PLPPR5: variants seen among roughly 807,000 people sequenced by gnomAD.
The protein encoded by PLPPR5 is phospholipid phosphatase related 5, also known as phospholipid phosphatase-related protein type 5.
A neutral mutation model predicts 33.9 loss-of-function variants in PLPPR5; 16 were observed. The observed-to-expected ratio is 0.47, with a 90% CI of 0.32 to 0.72. PLPPR5 has a LOEUF of 0.72. Among genes scored for constraint, PLPPR5 ranks in the 30% least tolerant of loss-of-function variants. The probability of loss-of-function intolerance (pLI) is 0.03; values close to 1 mark genes in which losing one functional copy is unlikely to be tolerated. For synonymous variants in PLPPR5, 163 were observed against 150.3 expected (o/e 1.08, Z -0.62); for missense variants, 301 against 406.7 (o/e 0.74, Z 2.23).
intron 3 of PLPPR5, among the ~76,000 whole-genome samples, chr1:98,926,176 A>C (rs1649756149): frequency 6.6e-6 from 1 of 152,112 alleles, no homozygotes; most frequent in South Asian, 2.1e-4. Context: ...GGAATAACTC[A>C]GTGGCCAGAT....
At chr1:98,978,825 C>T (rs894782014) in intron 1 of PLPPR5, among the ~76,000 whole-genome samples, 3 of 151,928 alleles carry the variant, frequency 2.0e-5, no homozygotes, top group African/African-American at 7.2e-5. Flanking sequence ...TAATTCATTC[C>T]ATATTACAAG....
chr1:98,907,419 C>T (rs1570686070), intron 5 of PLPPR5, among the ~76,000 whole-genome samples: 1 of 152,152 alleles, frequency 6.6e-6, no homozygotes, highest in East Asian at 1.9e-4. Context: ...CCCTCGAACT[C>T]CTGACCTCAG....
chr1:98,917,350 T>C (rs1029897010), intron 4 of PLPPR5, among the ~76,000 whole-genome samples: 3 of 152,232 alleles, frequency 2.0e-5, no homozygotes, highest in Non-Finnish European at 4.4e-5. Context: ...CTACCACCTG[T>C]TGCCTGGATT....
chr1:98,947,590 TAA>T (rs1256459511), intron 3 of PLPPR5, among the ~76,000 whole-genome samples: 2 of 152,172 alleles, frequency 1.3e-5, no homozygotes, highest in African/African-American at 4.8e-5. Flanking sequence ...TTTAAAGATT[TAA>T]AAAGTGTTTT....
intron 1 of PLPPR5, among the ~76,000 whole-genome samples, chr1:98,997,009 C>T (rs1385325290): frequency 6.6e-6 from 1 of 152,104 alleles, no homozygotes; most frequent in Non-Finnish European, 1.5e-5. Context: ...ATTACTAAAG[C>T]TCCCTGCATA....
chr1:98,916,577 G>A (rs577906796), intron 4 of PLPPR5, among the ~76,000 whole-genome samples: 2 of 152,246 alleles, frequency 1.3e-5, no homozygotes, highest in East Asian at 3.9e-4. Flanking sequence ...AAATAGCCAC[G>A]GACAGTTTAT....
intron 1 of PLPPR5, among the ~76,000 whole-genome samples, chr1:98,992,136 A>G (rs1652473459): frequency 6.6e-6 from 1 of 152,168 alleles, no homozygotes; most frequent in Non-Finnish European, 1.5e-5. Flanking sequence ...GGAGCTGTCT[A>G]AATTAAAGGA....
intron 1 of PLPPR5, among the ~76,000 whole-genome samples, chr1:98,996,198 T>C (rs1014660299): frequency 2.0e-5 from 3 of 151,760 alleles, no homozygotes; most frequent in Non-Finnish European, 4.4e-5. Flanking sequence ...GAGGGAAGCA[T>C]AATAGAGGTG....
intron 3 of PLPPR5, among the ~76,000 whole-genome samples, chr1:98,933,131 A>G (rs12095715): frequency 0.055 from 8,417 of 152,078 alleles, 466 homozygotes; most frequent in African/African-American, 0.15. Context: ...GGTCAGATAA[A>G]GTTTTTCATC....
chr1:98,950,674 T>G (rs543082960), intron 3 of PLPPR5, among the ~76,000 whole-genome samples: 2 of 152,272 alleles, frequency 1.3e-5, no homozygotes, highest in East Asian at 3.9e-4. Context: ...TGTACTGTGT[T>G]TTAAATTTTT....
chr1:98,943,600 A>T (rs1286525743), intron 3 of PLPPR5, among the ~76,000 whole-genome samples: 1 of 152,208 alleles, frequency 6.6e-6, no homozygotes, highest in African/African-American at 2.4e-5. Flanking sequence ...ATAAATGGGG[A>T]TGCACAATAC....
At chr1:98,945,801 G>C (rs944067036) in intron 3 of PLPPR5, among the ~76,000 whole-genome samples, 2 of 152,152 alleles carry the variant, frequency 1.3e-5, no homozygotes, top group Non-Finnish European at 2.9e-5. Flanking sequence ...CCATGAACTC[G>C]GCCACATTTA....
At chr1:98,952,042 C>A (rs1311859736) in intron 3 of PLPPR5, among the ~76,000 whole-genome samples, 1 of 152,120 alleles carries the variant, frequency 6.6e-6, no homozygotes, top group Non-Finnish European at 1.5e-5. Context: ...GTGGGCAGAT[C>A]ACTTGAGGTC....
chr1:98,973,398 G>A (rs1651728760), intron 1 of PLPPR5, among the ~76,000 whole-genome samples: 1 of 151,950 alleles, frequency 6.6e-6, no homozygotes, highest in African/African-American at 2.4e-5. Context: ...GTAGGATGGG[G>A]AGAGAGGAAG....
At chr1:98,969,124 C>A (rs1414019879) in intron 1 of PLPPR5, among the ~76,000 whole-genome samples, 1 of 151,986 alleles carries the variant, frequency 6.6e-6, no homozygotes, top group Non-Finnish European at 1.5e-5. Context: ...AATATATATT[C>A]CAGGGACAAT....
At chr1:98,920,445 G>A (rs1401533018) in intron 4 of PLPPR5, among the ~76,000 whole-genome samples, 1 of 138,880 alleles carries the variant, frequency 7.2e-6, no homozygotes, top group Non-Finnish European at 1.6e-5. Flanking sequence ...TTCAACTGTG[G>A]TGAGTCAATG....
intron 4 of PLPPR5, among the ~76,000 whole-genome samples, chr1:98,921,550 A>T (rs1313172149): frequency 6.6e-6 from 1 of 152,188 alleles, no homozygotes; most frequent in Non-Finnish European, 1.5e-5. Flanking sequence ...ATAAATCCTT[A>T]AAAAATATTA....
intron 5 of PLPPR5, among the ~76,000 whole-genome samples, chr1:98,903,926 A>G (rs1352168257): frequency 6.6e-6 from 1 of 152,192 alleles, no homozygotes; most frequent in Non-Finnish European, 1.5e-5. Context: ...TGACCACTGT[A>G]ATCTTATAAA....
intron 3 of PLPPR5, among the ~76,000 whole-genome samples, chr1:98,951,823 T>C (rs111466698): frequency 2.6e-4 from 39 of 152,268 alleles, no homozygotes; most frequent in South Asian, 8.3e-4. Flanking sequence ...GGTAAAAAAA[T>C]AATTCCAAGT....
Sources: allele counts gnomAD v4.1 joint callset (sites outside exome capture counted in the v4.1 genomes callset), GRCh38; gene constraint gnomAD v4.1.1; transcripts MANE v1.5; gene names NCBI Gene and HGNC (gene_info 2026-07-23, HGNC 2026-07-21).